The following EPB41 variants were observed in gnomAD, a reference collection of about 807,000 sequenced individuals.
EPB41 encodes the protein erythrocyte membrane protein band 4.1.
A neutral mutation model predicts 108.0 loss-of-function variants in EPB41; 65 were observed. That is an observed-to-expected ratio of 0.60 (90% CI 0.49 to 0.74). The LOEUF (loss-of-function observed/expected upper bound fraction) is 0.74, where lower values mean the gene tolerates loss of function less well. EPB41 is among the 30% of genes least tolerant of loss of function. The pLI is 0.00. For missense variants in EPB41, 875 were observed against 1,037.0 expected (o/e 0.84, Z 2.15); for synonymous variants, 336 against 358.9 (o/e 0.94, Z 0.72).
intron 11 of EPB41, among the ~76,000 whole-genome samples, chr1:29,047,790 G>GTATT (rs1289618964): frequency 4.7e-5 from 7 of 150,436 alleles, no homozygotes; most frequent in South Asian, 4.3e-4. Flanking sequence ...ATGTATGTAT[G>GTATT]TATGTATTTA....
intron 11 of EPB41, among the ~76,000 whole-genome samples, chr1:29,041,772 C>T (rs1641635324): frequency 6.6e-6 from 1 of 152,054 alleles, no homozygotes; most frequent in African/African-American, 2.4e-5. Context: ...GACCTGATTC[C>T]AATATCAACC....
At chr1:28,997,031 A>G (rs1257585844) in intron 3 of EPB41, among the ~76,000 whole-genome samples, 184 bp from the exon 4 acceptor site, 2 of 152,142 alleles carry the variant, frequency 1.3e-5, no homozygotes, top group Non-Finnish European at 2.9e-5. Context: ...GCACATCTGT[A>G]GTCCTAGCTA....
chr1:29,005,271 A>G (rs957614653), intron 4 of EPB41, among the ~76,000 whole-genome samples: 1 of 152,036 alleles, frequency 6.6e-6, no homozygotes, highest in Non-Finnish European at 1.5e-5. Flanking sequence ...CTTTGAAACA[A>G]CCAGATCTTG....
intron 1 of EPB41, among the ~76,000 whole-genome samples, chr1:28,951,361 T>TACAC (rs58546363): frequency 0.015 from 2,136 of 142,994 alleles, 27 homozygotes; most frequent in African/African-American, 0.043. Flanking sequence ...CCCTGTGTCT[T>TACAC]ACACACACAC....
intron 1 of EPB41, among the ~76,000 whole-genome samples, chr1:28,935,467 A>ACCCCCCC (rs71022381): frequency 1.6e-5 from 1 of 64,146 alleles, no homozygotes; most frequent in Non-Finnish European, 3.2e-5. Flanking sequence ...ACACACACAC[A>ACCCCCCC]CCCCCCCCCC....
chr1:28,906,276 C>T (rs994336913), intron 1 of EPB41, among the ~76,000 whole-genome samples: 6 of 152,164 alleles, frequency 3.9e-5, no homozygotes, highest in Non-Finnish European at 7.3e-5. Flanking sequence ...TTCTGTGCCC[C>T]CAATACCCCT....
intron 1 of EPB41, among the ~76,000 whole-genome samples, chr1:28,935,170 C>T (rs1209147352): frequency 2.0e-5 from 3 of 151,932 alleles, no homozygotes; most frequent in Non-Finnish European, 4.4e-5. Context: ...GTGGCTTGCA[C>T]CTGTAATCCA....
chr1:28,954,336 G>T (rs2094861140), intron 1 of EPB41, among the ~76,000 whole-genome samples: 1 of 152,198 alleles, frequency 6.6e-6, no homozygotes, highest in South Asian at 2.1e-4. Context: ...TGGAAAATCA[G>T]TATTAATGCT....
intron 7 of EPB41, among the ~76,000 whole-genome samples, chr1:29,027,621 G>A (rs1052336952): frequency 1.6e-4 from 24 of 151,704 alleles, no homozygotes; most frequent in African/African-American, 4.8e-4. Flanking sequence ...ATGAGCCACC[G>A]CGCCTGGCTG....
At chr1:28,977,129 A>T (rs1438881964) in intron 1 of EPB41, among the ~76,000 whole-genome samples, 1 of 152,196 alleles carries the variant, frequency 6.6e-6, no homozygotes, top group Non-Finnish European at 1.5e-5. Context: ...CTGGGATTAC[A>T]GGTGTGAGCC....
At chr1:29,071,528 T>TA (rs1299296885) in intron 16 of EPB41, 2 of 152,238 alleles carry the variant, frequency 1.3e-5, no homozygotes, top group Admixed American at 1.3e-4. Context: ...TATATATTGA[T>TA]ATACTTTGTT....
At chr1:28,985,390 A>G (rs2095851259) in intron 1 of EPB41, among the ~76,000 whole-genome samples, 1 of 152,204 alleles carries the variant, frequency 6.6e-6, no homozygotes, top group Admixed American at 6.5e-5. Flanking sequence ...GGGAAGAAAG[A>G]CATTTTAGCT....
At chr1:28,945,479 A>G (rs1457393897) in intron 1 of EPB41, among the ~76,000 whole-genome samples, 1 of 152,222 alleles carries the variant, frequency 6.6e-6, no homozygotes, top group African/African-American at 2.4e-5. Context: ...ATAATTTTTA[A>G]AATGAGCTAT....
intron 1 of EPB41, among the ~76,000 whole-genome samples, chr1:28,983,312 T>C (rs1466547026): frequency 6.6e-6 from 1 of 152,234 alleles, no homozygotes; most frequent in East Asian, 1.9e-4. Context: ...TTCCTGCTCT[T>C]CATATTCCAC....
At chr1:28,955,301 A>C (rs1346941985) in intron 1 of EPB41, among the ~76,000 whole-genome samples, 1 of 152,116 alleles carries the variant, frequency 6.6e-6, no homozygotes, top group East Asian at 1.9e-4. Flanking sequence ...TTTAACAAGT[A>C]AGTTCTTGGT....
At chr1:29,043,340 A>C (rs1642199685) in intron 11 of EPB41, among the ~76,000 whole-genome samples, 1 of 152,186 alleles carries the variant, frequency 6.6e-6, no homozygotes, top group Admixed American at 6.5e-5. Flanking sequence ...AGAGCCTTGC[A>C]GAAGAGGGAG....
At chr1:28,964,566 A>G (rs566674908) in intron 1 of EPB41, among the ~76,000 whole-genome samples, 6 of 152,174 alleles carry the variant, frequency 3.9e-5, no homozygotes, top group Non-Finnish European at 1.5e-5. Context: ...GTGCCACTGC[A>G]CTCCAGCCTG....
chr1:28,990,338 TCCCTCCC>T (rs2095986476), intron 2 of EPB41, among the ~76,000 whole-genome samples: 1 of 128,912 alleles, frequency 7.8e-6, no homozygotes, highest in Non-Finnish European at 1.7e-5. Flanking sequence ...CTTCCTTCCC[TCCCTCCC>T]TCCCTCCCTC....
chr1:29,098,975 G>A (rs937292256), intron 17 of EPB41, among the ~76,000 whole-genome samples: 68 of 149,392 alleles, frequency 4.6e-4, no homozygotes, highest in South Asian at 1.5e-3. Context: ...TCTGCCTGCC[G>A]CGGCCTCCCA....
Sources: allele counts gnomAD v4.1 joint callset (sites outside exome capture counted in the v4.1 genomes callset), GRCh38; gene constraint gnomAD v4.1.1; transcripts MANE v1.5; gene names NCBI Gene and HGNC (gene_info 2026-07-23, HGNC 2026-07-21).